Variants in SPTLC1 observed in about 807,000 individuals in gnomAD.
SPTLC1 encodes the protein serine palmitoyltransferase 1.
In SPTLC1, 55 loss-of-function variants were observed where a neutral mutation model predicts 68.9. That is an observed-to-expected ratio of 0.80 (90% CI 0.64 to 1.00). The LOEUF (loss-of-function observed/expected upper bound fraction) is 1.00, where lower values mean the gene tolerates loss of function less well. SPTLC1 is among the 50% of genes least tolerant of loss of function. SPTLC1 has a pLI of 0.00. For missense variants in SPTLC1, 449 were observed against 573.1 expected (o/e 0.78, Z 2.21); for synonymous variants, 197 against 201.6 (o/e 0.98, Z 0.19).
chr9:92,055,610 T>C (rs1833862045), intron 7 of SPTLC1, 116 bp from the exon 8 acceptor site: 1 of 1,026,954 alleles, frequency 9.7e-7, no homozygotes, highest in Non-Finnish European at 1.5e-6. Context: ...ATATTCTGAA[T>C]GAATTGAAAG....
At chr9:92,112,369 G>A (rs2297568) in intron 2 of SPTLC1, 86 bp downstream of exon 2, 412,730 of 955,390 alleles carry the variant, frequency 0.43, 96,748 homozygotes, top group African/African-American at 0.85. Context: ...TAACACACAT[G>A]GTTGAGCCAC....
At chr9:92,032,881 A>C (rs1377555319) in intron 14 of SPTLC1, among the ~76,000 whole-genome samples, 5 of 151,992 alleles carry the variant, frequency 3.3e-5, no homozygotes, top group Admixed American at 6.6e-5. Context: ...GTCTCAAAAA[A>C]AAAAAAAAAC....
chr9:92,069,307 A>C (rs1834399763), intron 5 of SPTLC1, among the ~76,000 whole-genome samples: 1 of 152,242 alleles, frequency 6.6e-6, no homozygotes. Context: ...AATAGTGATA[A>C]AATATGAGGC....
rs542487925 is a variant in SPTLC1 at position 92,036,313 on chromosome 9, T to C, written c.1255-1430A>G. On this transcript the variant is annotated intron_variant, in intron 13 of 14. Coordinates refer to ENST00000262554, the MANE Select transcript of SPTLC1 (RefSeq NM_006415.4). ...CACAGACTTTTCGTTTCCTCTTTCATTACGTGGCTAATTCCTGTAAGCATG... is the reference window on the plus strand; with the variant it reads ...CACAGACTTTTCGTTTCCTCTTTCACTACGTGGCTAATTCCTGTAAGCATG... Among the ~76,000 whole-genome samples the C allele has an allele frequency of 7.2e-5, 11 of 152,336 alleles. No homozygotes were observed. The South Asian group carries it at 1.0e-3, about 14-fold the overall frequency.
intron 12 of SPTLC1, 43 bp from the exon 13 acceptor site, chr9:92,038,408 G>C (rs3750441): frequency 0.022 from 28,257 of 1,266,466 alleles, 717 homozygotes; most frequent in South Asian, 0.083. Flanking sequence ...TCCCTTCCAG[G>C]CTTGAAGATC....
At chr9:92,040,406 AAAC>A (rs1833301113) in intron 12 of SPTLC1, among the ~76,000 whole-genome samples, 1 of 152,036 alleles carries the variant, frequency 6.6e-6, no homozygotes, top group African/African-American at 2.4e-5. Context: ...AAAACAAAAA[AAAC>A]AACAAAAAAA....
chr9:92,068,044 G>A lies in SPTLC1; in HGVS notation c.482C>T (p.Ala161Val). The change falls in exon 6 of 15, where the codon GCC becomes GTC. Residue 161 changes from alanine to valine, a missense_variant. Physicochemically the swap from Ala to Val is moderately conservative, Grantham distance 64 (BLOSUM62 0). Coordinates refer to ENST00000262554, the MANE Select transcript of SPTLC1 (RefSeq NM_006415.4). ...RLAKFMKTEE[A>V]IIYSYGFATI... ...GGCAAATCCATATGAGTATATAATGGCTTCTTCTGTCTTCATAAATTTTGC... is the reference window on the plus strand; with the variant it reads ...GGCAAATCCATATGAGTATATAATGACTTCTTCTGTCTTCATAAATTTTGC... 1 of 1,613,980 alleles carries A rather than the reference G, an allele frequency of 6.2e-7. No homozygotes were observed. Among genetic ancestry groups the A allele is most frequent in the Middle Eastern group, 1.6e-4 (1 of 6,062 alleles).
intron 3 of SPTLC1, chr9:92,108,242 G>T (rs994145856): frequency 6.0e-6 from 1 of 165,716 alleles, no homozygotes; most frequent in Non-Finnish European, 1.3e-5. Context: ...CCAAGAGAAT[G>T]AAAAGTAAAA....
intron 3 of SPTLC1, among the ~76,000 whole-genome samples, chr9:92,089,094 A>G (rs1029219588): frequency 6.6e-6 from 1 of 152,188 alleles, no homozygotes; most frequent in Non-Finnish European, 1.5e-5. Context: ...AAACATAAGG[A>G]AAGGTTAAAA....
intron 1 of SPTLC1, 74 bp from the exon 2 acceptor site, chr9:92,112,636 T>G (rs1447867203): frequency 1.1e-6 from 1 of 883,530 alleles, no homozygotes; most frequent in African/African-American, 1.6e-5. Flanking sequence ...TTACTACACC[T>G]GCATATACTG....
chr9:92,065,053 C>T lies in SPTLC1; in HGVS notation c.560+2913G>A, dbSNP rs977247359. 7.2e-5 allele frequency among the ~76,000 whole-genome samples: 11 copies of T among 152,328 alleles called. No homozygotes were observed. The East Asian group carries it at 2.1e-3, about 29-fold the overall frequency. ...CAAAGTCAATATCCTGGCTGTGAAA[C>T]TGTTCGTTTTGCAAGAGGTCCTCAC... On this transcript the variant is annotated intron_variant, in intron 6 of 14. Coordinates refer to ENST00000262554, the MANE Select transcript of SPTLC1 (RefSeq NM_006415.4).
Position 92,085,504 on chromosome 9 carries a change from G to T in SPTLC1, c.261-4541C>A, listed in dbSNP as rs1174570891. Among the ~76,000 whole-genome samples the T allele has an allele frequency of 2.0e-5, 3 of 151,668 alleles. No homozygotes were observed. In the South Asian group the frequency reaches 6.3e-4, roughly 32 times the overall value. ...CTGCCTTCATTTCGTTATGTACCCA[G>T]TAGTCATTCAGGAGCAGGTTGTTCA... is the stretch of plus-strand genomic sequence containing the variant. On this transcript the variant is annotated intron_variant, in intron 3 of 14. Transcript: ENST00000262554.
intron 12 of SPTLC1, among the ~76,000 whole-genome samples, chr9:92,040,053 G>A (rs1399802602): frequency 2.0e-5 from 3 of 151,144 alleles, no homozygotes; most frequent in Admixed American, 6.6e-5. Flanking sequence ...TTTTTTAAAG[G>A]TCATGTATTC....
At chr9:92,067,479 C>T (rs1043200589) in intron 6 of SPTLC1, among the ~76,000 whole-genome samples, 3 of 152,218 alleles carry the variant, frequency 2.0e-5, no homozygotes, top group Non-Finnish European at 2.9e-5. Context: ...CAGTAAACCT[C>T]GGTAGCATGC....
At chr9:92,060,844 C>T (rs1419888093) in intron 6 of SPTLC1, among the ~76,000 whole-genome samples, 3 of 148,456 alleles carry the variant, frequency 2.0e-5, no homozygotes, top group South Asian at 2.1e-4. Context: ...ACCCGAGAGG[C>T]GGAGCTTGCA....
intron 3 of SPTLC1, among the ~76,000 whole-genome samples, chr9:92,088,057 G>C (rs1016408810): frequency 3.3e-5 from 5 of 152,254 alleles, no homozygotes; most frequent in African/African-American, 1.2e-4. Flanking sequence ...AGCCAGGTGA[G>C]GGATATAATC....
chr9:92,064,181 C>T (rs1007778387), intron 6 of SPTLC1, among the ~76,000 whole-genome samples: 4 of 152,116 alleles, frequency 2.6e-5, no homozygotes, highest in African/African-American at 9.7e-5. Context: ...ACAAAAAATC[C>T]ACTTCATTTC....
chr9:92,112,488 G>C lies in SPTLC1; in HGVS notation c.132C>G (p.Tyr44Ter). ...WIIRLLFSKTYKLQERSDLTV... is the reference protein window; with the variant it reads ...WIIRLLFSKT ...TAAGATCAGATCGTTCTTGTAATTTGTAAGTCTTAGAGAAAAGAAGTCTGA... is the reference window on the plus strand; with the variant it reads ...TAAGATCAGATCGTTCTTGTAATTTCTAAGTCTTAGAGAAAAGAAGTCTGA... The change falls in exon 2 of 15, where the codon TAC (tyrosine) becomes TAG (stop). Residue 44 changes from tyrosine (Y) to a stop codon, truncating the protein, a stop_gained. Coordinates refer to ENST00000262554, the MANE Select transcript of SPTLC1 (RefSeq NM_006415.4). LOFTEE classifies it high-confidence loss of function. 4 of 1,610,332 alleles carry C rather than the reference G, an allele frequency of 2.5e-6. No homozygotes were observed. The highest frequency in any genetic ancestry group is 2.5e-6 in the Non-Finnish European group (3 of 1,178,322).
At chr9:92,067,321 G>A (rs12235309) in intron 6 of SPTLC1, among the ~76,000 whole-genome samples, 5 of 146,002 alleles carry the variant, frequency 3.4e-5, no homozygotes, top group Non-Finnish European at 3.1e-5. Flanking sequence ...AAAAAAAACA[G>A]AGAAGAGGAA....
Sources: allele counts gnomAD v4.1 joint callset (sites outside exome capture counted in the v4.1 genomes callset), GRCh38; gene constraint gnomAD v4.1.1; transcripts MANE v1.5; gene names NCBI Gene and HGNC (gene_info 2026-07-23, HGNC 2026-07-21).